The following COP1 variants were observed in gnomAD, a reference collection of about 807,000 sequenced individuals.
COP1 encodes the protein E3 ubiquitin-protein ligase COP1.
COP1 carries 24 observed loss-of-function variants against 101.3 expected under a neutral mutation model. That is an observed-to-expected ratio of 0.24 (90% confidence interval 0.17 to 0.33). COP1 has a LOEUF of 0.33. Among genes scored for constraint, COP1 ranks in the 10% least tolerant of loss-of-function variants. COP1 has a pLI of 1.00. For missense variants in COP1, 663 were observed against 906.2 expected (o/e 0.73, Z 3.45); for synonymous variants, 347 against 341.9 (o/e 1.01, Z -0.17).
chr1:175,960,127 T>C (rs1651155600), intron 18 of COP1, among the ~76,000 whole-genome samples: 1 of 152,228 alleles, frequency 6.6e-6, no homozygotes, highest in African/African-American at 2.4e-5. Flanking sequence ...TGCCAGTAAC[T>C]GGTTTTCAGG....
intron 18 of COP1, among the ~76,000 whole-genome samples, chr1:175,966,745 CT>C (rs1652100890): frequency 6.6e-6 from 1 of 152,152 alleles, no homozygotes; most frequent in African/African-American, 2.4e-5. Context: ...TAAACCTAGG[CT>C]CCTAAAAGCC....
chr1:176,151,104 A>G (rs1310548080), intron 5 of COP1, among the ~76,000 whole-genome samples: 1 of 152,060 alleles, frequency 6.6e-6, no homozygotes, highest in East Asian at 1.9e-4. Flanking sequence ...ACTAAAAATG[A>G]AAGTCCAAGA....
intron 15 of COP1, among the ~76,000 whole-genome samples, chr1:176,025,745 C>T (rs1195743440): frequency 1.3e-5 from 2 of 151,850 alleles, no homozygotes; most frequent in Non-Finnish European, 2.9e-5. Flanking sequence ...CAAAAATTAG[C>T]CAGGTGTGGT....
chr1:176,078,250 TC>T (rs1678433557), intron 11 of COP1, among the ~76,000 whole-genome samples: 1 of 152,020 alleles, frequency 6.6e-6, no homozygotes, highest in Admixed American at 6.6e-5. Context: ...ATTTATACTA[TC>T]AGGCTACAAT....
intron 12 of COP1, 28 bp downstream of exon 12, chr1:176,046,153 C>T (rs1362226320): frequency 2.0e-5 from 32 of 1,570,202 alleles, no homozygotes; most frequent in Non-Finnish European, 2.7e-5. Flanking sequence ...ATCTATACTG[C>T]ATCATGTCAA....
intron 15 of COP1, among the ~76,000 whole-genome samples, chr1:176,022,898 A>G (rs142188352): frequency 6.2e-4 from 95 of 152,382 alleles, no homozygotes; most frequent in African/African-American, 2.3e-3. Context: ...TCCATCAATC[A>G]GATGCACTTA....
chr1:175,971,448 T>C (rs1172466913), intron 18 of COP1, among the ~76,000 whole-genome samples: 2 of 152,164 alleles, frequency 1.3e-5, no homozygotes, highest in Non-Finnish European at 2.9e-5. Flanking sequence ...TTTTATTATA[T>C]ATAAATCCCA....
At chr1:176,165,382 GTGTGTGTGTGTGT>G (rs1572630859) in intron 3 of COP1, among the ~76,000 whole-genome samples, 3 of 148,456 alleles carry the variant, frequency 2.0e-5, no homozygotes, top group East Asian at 4.0e-4. Flanking sequence ...GTGTGTGTGT[GTGTGTGTGTGTGT>G]GTGTGTGTGT....
At chr1:176,197,751 A>G (rs907862203) in intron 1 of COP1, among the ~76,000 whole-genome samples, 2 of 152,226 alleles carry the variant, frequency 1.3e-5, no homozygotes, top group African/African-American at 4.8e-5. Context: ...TACAGATAAC[A>G]TGACTGTTTT....
intron 5 of COP1, among the ~76,000 whole-genome samples, chr1:176,151,421 C>G (rs1052979821): frequency 7.2e-5 from 10 of 139,088 alleles, no homozygotes; most frequent in South Asian, 4.6e-4. Flanking sequence ...AAGAAAGAAA[C>G]ATATTTAGAA....
At chr1:176,197,006 G>A (rs813180) in intron 1 of COP1, among the ~76,000 whole-genome samples, 41,932 of 152,012 alleles carry the variant, frequency 0.28, 6,774 homozygotes, top group East Asian at 0.52. Flanking sequence ...GGGTTAAATT[G>A]TATTTCCATC....
At chr1:176,161,823 A>C (rs2149936619) in intron 5 of COP1, among the ~76,000 whole-genome samples, 1 of 152,278 alleles carries the variant, frequency 6.6e-6, no homozygotes. Flanking sequence ...ATGGGAGACA[A>C]CTTATTTTGG....
At chr1:175,975,389 T>C (rs1425068067) in intron 18 of COP1, among the ~76,000 whole-genome samples, 1 of 152,074 alleles carries the variant, frequency 6.6e-6, no homozygotes, top group Non-Finnish European at 1.5e-5. Flanking sequence ...ATCCCGAAGT[T>C]ATTACTCTTG....
At chr1:176,043,501 G>A (rs758781515) in intron 13 of COP1, among the ~76,000 whole-genome samples, 2 of 152,038 alleles carry the variant, frequency 1.3e-5, no homozygotes, top group African/African-American at 4.8e-5. Flanking sequence ...CATAAAGACC[G>A]AAGTCTGAAG....
chr1:176,164,601 G>A (rs1694818677), intron 3 of COP1, among the ~76,000 whole-genome samples: 1 of 152,146 alleles, frequency 6.6e-6, no homozygotes, highest in African/African-American at 2.4e-5. Context: ...GATGATATCT[G>A]GAACTGCTTA....
At chr1:175,992,845 T>C (rs1026047368) in intron 15 of COP1, among the ~76,000 whole-genome samples, 6 of 152,278 alleles carry the variant, frequency 3.9e-5, no homozygotes, top group Non-Finnish European at 7.4e-5. Context: ...AGCAGTAACC[T>C]CTGCAGACTT....
chr1:175,960,983 G>C (rs1651266737), intron 18 of COP1, among the ~76,000 whole-genome samples: 1 of 152,186 alleles, frequency 6.6e-6, no homozygotes, highest in Non-Finnish European at 1.5e-5. Flanking sequence ...GGCCTGGATA[G>C]ACAAAAAGGG....
At chr1:176,170,357 T>C (rs577078847) in intron 3 of COP1, among the ~76,000 whole-genome samples, 27 of 152,348 alleles carry the variant, frequency 1.8e-4, no homozygotes, top group Middle Eastern at 3.4e-3. Flanking sequence ...GCAGTTATTA[T>C]GAAATGTGTT....
chr1:176,206,764 G>A lies in COP1; in HGVS notation c.215C>T (p.Pro72Leu). The A allele has an allele frequency of 3.3e-6, 5 of 1,511,866 alleles. No homozygotes were observed. The highest frequency in any genetic ancestry group is 1.2e-5 in the South Asian group (1 of 82,292). 93.7% of individuals were successfully genotyped at this position (1,511,866 alleles called of 1,614,324 possible). A position where few individuals can be genotyped will look rare whatever the true frequency, so the allele number is the denominator to read the frequency against. Residue 72 changes from proline (P) to leucine (L), a missense_variant, in exon 1 of 20, where the codon CCC becomes CTC. Physicochemically the swap from Pro to Leu is moderately conservative, Grantham distance 98. Around this residue, in one of 4 missense-constraint regions of COP1, gnomAD observed 204 missense variants for 203.6 expected, o/e 1.00. Coordinates refer to ENST00000367669, the MANE Select transcript of COP1 (RefSeq NM_022457.7). Reference sequence around the variant, plus strand: ...CCCGCCGCCGCTACCCGATACGGCGGGCGCCACCAACACAGGCCGCACCGG... The same window carrying A: ...CCCGCCGCCGCTACCCGATACGGCGAGCGCCACCAACACAGGCCGCACCGG... ...GGPVRPVLVA[P>L]AVSGSGGGAV...
Sources: allele counts gnomAD v4.1 joint callset (sites outside exome capture counted in the v4.1 genomes callset), GRCh38; gene constraint gnomAD v4.1.1; regional missense constraint gnomAD v4.1.1; transcripts MANE v1.5; gene names NCBI Gene and HGNC (gene_info 2026-07-23, HGNC 2026-07-21).